PRKAG2: variants seen among roughly 807,000 people sequenced by gnomAD.
PRKAG2 encodes 5'-AMP-activated protein kinase subunit gamma-2.
PRKAG2 carries 26 observed loss-of-function variants against 69.6 expected under a neutral mutation model. The observed-to-expected ratio is 0.37, with a 90% CI of 0.27 to 0.52. The LOEUF (loss-of-function observed/expected upper bound fraction) is 0.52. Ranked by LOEUF, PRKAG2 falls within the 20% of genes least tolerant of loss-of-function variation. The pLI, the probability that PRKAG2 is intolerant of heterozygous loss-of-function variation, is 0.90. For synonymous variants in PRKAG2, 293 were observed against 285.0 expected (o/e 1.03, Z -0.28); for missense variants, 557 against 740.0 (o/e 0.75, Z 2.87).
intron 3 of PRKAG2, among the ~76,000 whole-genome samples, chr7:151,732,079 A>T (rs1563547140): frequency 1.3e-5 from 2 of 148,270 alleles, no homozygotes; most frequent in South Asian, 2.1e-4. Context: ...GCACTCCTCT[A>T]CCTGCCTCAA....
chr7:151,854,998 TGCTCCACACAC>T (rs1563756391), intron 1 of PRKAG2, among the ~76,000 whole-genome samples: 106 of 7,616 alleles, frequency 0.014, 6 homozygotes, highest in Non-Finnish European at 0.023. Flanking sequence ...ACACACACCA[TGCTCCACACAC>T]ACCACCCTCC....
chr7:151,747,346 C>CA (rs1391584182), intron 3 of PRKAG2, among the ~76,000 whole-genome samples: 1 of 152,188 alleles, frequency 6.6e-6, no homozygotes, highest in Non-Finnish European at 1.5e-5. Flanking sequence ...CACCTGAGGT[C>CA]AGGAGTTCGA....
At chr7:151,736,537 C>T (rs1055472489) in intron 3 of PRKAG2, 6 of 425,288 alleles carry the variant, frequency 1.4e-5, no homozygotes, top group Non-Finnish European at 1.9e-5. Flanking sequence ...CAATTCTTGG[C>T]ACCAATTGGC....
chr7:151,745,265 C>T (rs961572976), intron 3 of PRKAG2, among the ~76,000 whole-genome samples: 3 of 152,208 alleles, frequency 2.0e-5, no homozygotes, highest in Admixed American at 6.5e-5. Flanking sequence ...GGGTCCCCTC[C>T]GCGCCGGGGA....
intron 1 of PRKAG2, among the ~76,000 whole-genome samples, chr7:151,870,326 C>A (rs1016158265): frequency 3.3e-5 from 5 of 152,150 alleles, no homozygotes; most frequent in Non-Finnish European, 5.9e-5. Flanking sequence ...AAGAAAAATG[C>A]AAACTCATGG....
At chr7:151,565,497 T>C (rs752058604) in intron 12 of PRKAG2, 114 bp from the exon 13 acceptor site, 5 of 979,536 alleles carry the variant, frequency 5.1e-6, no homozygotes, top group Non-Finnish European at 6.0e-6. Flanking sequence ...AATAACCTTG[T>C]CTATTTTAAA....
chr7:151,623,342 C>A (rs916837473), intron 5 of PRKAG2, among the ~76,000 whole-genome samples: 1 of 108,056 alleles, frequency 9.3e-6, no homozygotes, highest in African/African-American at 3.7e-5. Flanking sequence ...CCAGCCTGGG[C>A]AACAGAGCAA....
At position 151,583,206 on chromosome 7, in the gene PRKAG2, G is replaced by C. The variant is rs76826116; in HGVS notation, c.865-6754C>G. On this transcript the variant is annotated intron_variant, in intron 6 of 15. Transcript: ENST00000287878. The surrounding 1 kb of genome is among the most constrained non-coding windows in gnomAD (Gnocchi z 4.1). The stretch of plus-strand genomic sequence containing the variant: ...CAGCTAATTTTTAAATCTTTTTGTA[G>C]AGATGGGGTTTTGCCATGTTGCCCG... Among the ~76,000 whole-genome samples, 3,351 of 152,162 alleles carry C rather than the reference G, an allele frequency of 0.022. 108 individuals are homozygous for C. Among genetic ancestry groups the C allele is most frequent in the African/African-American group, 0.076 (3,153 of 41,486 alleles).
intron 1 of PRKAG2, among the ~76,000 whole-genome samples, chr7:151,857,112 AG>A (rs1377012669): frequency 7.0e-6 from 1 of 143,696 alleles, no homozygotes; most frequent in Non-Finnish European, 1.5e-5. Context: ...CAATTAGGCA[AG>A]GGCTGATCAT....
chr7:151,844,047 A>AGGAGGAGATAGAAGGAGAT (rs2079372777), intron 1 of PRKAG2, among the ~76,000 whole-genome samples: 3 of 152,348 alleles, frequency 2.0e-5, no homozygotes, highest in African/African-American at 7.2e-5. Flanking sequence ...AGGAGGTAGA[A>AGGAGGAGATAGAAGGAGAT]GGAGGAGATA....
chr7:151,672,292 G>C (rs912381126), intron 4 of PRKAG2, among the ~76,000 whole-genome samples: 1 of 151,406 alleles, frequency 6.6e-6, no homozygotes, highest in Non-Finnish European at 1.5e-5. Context: ...TAGGAGAGAC[G>C]GGGCTTCACC....
Position 151,728,456 on chromosome 7 carries a change from C to G in PRKAG2, c.466+52696G>C, listed in dbSNP as rs571242850. On this transcript the variant is annotated intron_variant, in intron 3 of 15. Transcript: ENST00000287878. ...GTCCTGTCTCACAGGATGGGGGTGA[C>G]AGAGCAGCAGGGGCTGGCCAGCACC... 2.0e-5 allele frequency among the ~76,000 whole-genome samples: 3 copies of G among 152,242 alleles called. No homozygotes were observed. The South Asian group carries it at 6.3e-4, about 32-fold the overall frequency.
intron 1 of PRKAG2, among the ~76,000 whole-genome samples, chr7:151,852,486 C>G (rs1257893080): frequency 6.6e-6 from 1 of 152,066 alleles, no homozygotes. Context: ...CAGAGTGAGA[C>G]TCCATCTCAA....
chr7:151,862,443 G>A (rs765795607), intron 1 of PRKAG2, among the ~76,000 whole-genome samples: 1 of 152,144 alleles, frequency 6.6e-6, no homozygotes, highest in Non-Finnish European at 1.5e-5. Flanking sequence ...TTTCTAAATT[G>A]GGTCGTCGAG....
rs868856830 is a variant in PRKAG2, at chr7:151,828,948, T to C, written c.115-42407A>G. 3.3e-5 allele frequency among the ~76,000 whole-genome samples: 5 copies of C among 152,188 alleles called. No homozygotes were observed. Among genetic ancestry groups the C allele is most frequent in the South Asian group, 2.1e-4 (1 of 4,830 alleles). On this transcript the variant is annotated intron_variant, in intron 1 of 15. Transcript: ENST00000287878. The surrounding 1 kb of genome is among the most constrained non-coding windows in gnomAD (Gnocchi z 4.6). ...CAGAACAATAAAAAATAACTGCTTA[T>C]ACTTGTGTTTATTTGACGTGTTCTC...
At chr7:151,649,954 A>G (rs1828196408) in intron 4 of PRKAG2, among the ~76,000 whole-genome samples, 1 of 152,100 alleles carries the variant, frequency 6.6e-6, no homozygotes, top group African/African-American at 2.4e-5. Flanking sequence ...CTAATTCTAC[A>G]TATCTGGAGG....
intron 3 of PRKAG2, among the ~76,000 whole-genome samples, chr7:151,776,768 A>C (rs941607896): frequency 3.9e-5 from 6 of 152,196 alleles, no homozygotes; most frequent in Admixed American, 6.5e-5. Flanking sequence ...AGCAGTTTTA[A>C]GTTTCTGGAA....
At chr7:151,561,853 A>G (rs1327747259) in intron 14 of PRKAG2, among the ~76,000 whole-genome samples, 1 of 151,460 alleles carries the variant, frequency 6.6e-6, no homozygotes, top group African/African-American at 2.4e-5. Flanking sequence ...GAATTGCTTG[A>G]ACCTGGGAGG....
At chr7:151,769,727 C>T (rs1163295362) in intron 3 of PRKAG2, among the ~76,000 whole-genome samples, 3 of 152,180 alleles carry the variant, frequency 2.0e-5, no homozygotes, top group African/African-American at 7.2e-5. Context: ...GGCACGGATG[C>T]TGCAGCCGCA....
Sources: allele counts gnomAD v4.1 joint callset (sites outside exome capture counted in the v4.1 genomes callset), GRCh38; gene constraint gnomAD v4.1.1; non-coding constraint Gnocchi (gnomAD v3.1); transcripts MANE v1.5; gene names NCBI Gene and HGNC (gene_info 2026-07-23, HGNC 2026-07-21).